Variants in MAPRE2 observed in about 807,000 individuals in gnomAD.
MAPRE2 encodes microtubule associated protein RP/EB family member 2.
Under a neutral mutation model 43.2 loss-of-function variants are expected in MAPRE2, and 13 were observed. That is an observed-to-expected ratio of 0.30 (90% CI 0.20 to 0.48). MAPRE2 has a LOEUF of 0.48. Among genes scored for constraint, MAPRE2 ranks in the 20% least tolerant of loss-of-function variants. MAPRE2 has a pLI of 0.99. For missense variants in MAPRE2, 161 were observed against 400.2 expected, an observed-to-expected ratio of 0.40 and a Z score of 5.10; for synonymous variants, 135 against 148.8, an observed-to-expected ratio of 0.91 and a Z score of 0.68.
intron 4 of MAPRE2, among the ~76,000 whole-genome samples, chr18:35,118,336 T>C (rs909540419): frequency 1.3e-5 from 2 of 152,126 alleles, no homozygotes; most frequent in African/African-American, 4.8e-5. Flanking sequence ...CTGACTCAGC[T>C]CTTGTTACTG....
At chr18:35,041,384 C>A (rs1905350573), upstream of MAPRE2, 3 of 1,483,320 alleles carry the variant, frequency 2.0e-6, no homozygotes, top group East Asian at 2.4e-5. Flanking sequence ...GGCGGGGCCG[C>A]AGGAGGGCGG....
At chr18:35,131,945 CT>C (rs1910169031) in intron 5 of MAPRE2, 86 bp from the exon 6 acceptor site, 1 of 1,281,250 alleles carries the variant, frequency 7.8e-7, no homozygotes, top group African/African-American at 1.5e-5. Context: ...CTCTCTCTCT[CT>C]TTTGGGTTTT....
At chr18:34,997,458 T>C (rs2097027070) in intron 1 of MAPRE2, among the ~76,000 whole-genome samples, 1 of 152,018 alleles carries the variant, frequency 6.6e-6, no homozygotes, top group South Asian at 2.1e-4. Flanking sequence ...GGAAAAAGCA[T>C]AAGGAGAGAA....
rs115695128 is a variant in MAPRE2 at position 34,978,566 on chromosome 18, C to G, written c.-70+1487C>G. The G allele has an allele frequency of 4.2e-3, 6,517 of 1,550,984 alleles. 252 individuals are homozygous for G. In the African/African-American group the frequency reaches 0.078, roughly 18 times the overall value. Reference sequence around the variant, plus strand: ...GGTAATCTGAAGAATGGCAACATTTCCCCTGCTTCTCCTGAACGCTAAATT... The same window carrying G: ...GGTAATCTGAAGAATGGCAACATTTGCCCTGCTTCTCCTGAACGCTAAATT... On this transcript the variant is annotated intron_variant, in intron 1 of 7. Coordinates refer to the MAPRE2 transcript ENST00000413393.
At chr18:35,038,915 C>A (rs569460493), upstream of MAPRE2, among the ~76,000 whole-genome samples, 3 of 152,294 alleles carry the variant, frequency 2.0e-5, no homozygotes, top group South Asian at 4.1e-4. Context: ...GCCCTTGGGG[C>A]CCTTCACCTG....
chr18:35,088,659 GGC>G (rs1336500116), intron 2 of MAPRE2, among the ~76,000 whole-genome samples: 2 of 152,100 alleles, frequency 1.3e-5, no homozygotes, highest in East Asian at 3.8e-4. Flanking sequence ...TCTGATTTGT[GGC>G]TGGGTAAGAC....
chr18:35,115,344 A>T (rs1241540013), intron 4 of MAPRE2, among the ~76,000 whole-genome samples: 1 of 152,208 alleles, frequency 6.6e-6, no homozygotes, highest in Non-Finnish European at 1.5e-5. Context: ...AGTACACTAC[A>T]CAGTAGCTCA....
intron 2 of MAPRE2, among the ~76,000 whole-genome samples, chr18:35,095,713 A>G (rs1030571568): frequency 3.9e-5 from 6 of 152,130 alleles, no homozygotes; most frequent in Non-Finnish European, 8.8e-5. Flanking sequence ...CCATCCATAT[A>G]AAAATAATGT....
At chr18:35,125,749 G>A (rs1909877576) in intron 4 of MAPRE2, among the ~76,000 whole-genome samples, 2 of 152,176 alleles carry the variant, frequency 1.3e-5, no homozygotes, top group South Asian at 2.1e-4. Context: ...TTGTGTCTGC[G>A]CGTTGTTCTA....
chr18:35,014,868 G>T (rs376226447), intron 2 of MAPRE2, among the ~76,000 whole-genome samples: 1 of 152,064 alleles, frequency 6.6e-6, no homozygotes, highest in African/African-American at 2.4e-5. Context: ...CCTTTACCAC[G>T]TTGTAAATCC....
intron 1 of MAPRE2, among the ~76,000 whole-genome samples, chr18:35,051,803 A>G (rs547731093): frequency 1.6e-4 from 25 of 152,300 alleles, no homozygotes; most frequent in Admixed American, 1.6e-3. Context: ...AGTAGCATCA[A>G]CTTCCCAGGG....
intron 2 of MAPRE2, among the ~76,000 whole-genome samples, chr18:35,081,336 A>G (rs1030344078): frequency 1.3e-5 from 2 of 152,210 alleles, no homozygotes; most frequent in African/African-American, 4.8e-5. Flanking sequence ...CTAGAAAGCA[A>G]AGTATATTTT....
At chr18:35,077,095 A>T (rs781390945) in intron 2 of MAPRE2, among the ~76,000 whole-genome samples, 1 of 152,244 alleles carries the variant, frequency 6.6e-6, no homozygotes, top group Non-Finnish European at 1.5e-5. Context: ...CTGAACAAAA[A>T]ATCAAGGAAC....
At chr18:35,092,238 G>A (rs948095690) in intron 2 of MAPRE2, among the ~76,000 whole-genome samples, 40 of 152,248 alleles carry the variant, frequency 2.6e-4, no homozygotes, top group Non-Finnish European at 4.7e-4. Context: ...GGGTGGGGAC[G>A]CAGATCCAAA....
upstream of MAPRE2, among the ~76,000 whole-genome samples, chr18:35,037,788 G>T (rs1445795499): frequency 6.6e-6 from 1 of 152,082 alleles, no homozygotes; most frequent in Non-Finnish European, 1.5e-5. Context: ...ACCATCTTTG[G>T]ATGGATGGCT....
chr18:35,091,354 G>A (rs1238062160), intron 2 of MAPRE2, among the ~76,000 whole-genome samples: 1 of 152,192 alleles, frequency 6.6e-6, no homozygotes, highest in Non-Finnish European at 1.5e-5. Flanking sequence ...CGATTTTCAT[G>A]TGTAGACTTG....
chr18:35,117,385 C>T (rs547958167), intron 4 of MAPRE2, among the ~76,000 whole-genome samples: 5 of 152,270 alleles, frequency 3.3e-5, no homozygotes, highest in South Asian at 2.1e-4. Context: ...GAAAAACAAC[C>T]GCAAACACTG....
At chr18:35,111,481 A>C (rs1302218570) in intron 4 of MAPRE2, among the ~76,000 whole-genome samples, 1 of 152,156 alleles carries the variant, frequency 6.6e-6, no homozygotes, top group African/African-American at 2.4e-5. Context: ...TATGTCAAAT[A>C]ATTTTGGGTT....
At chr18:35,137,547 C>A (rs879467578) in intron 6 of MAPRE2, among the ~76,000 whole-genome samples, 1 of 151,548 alleles carries the variant, frequency 6.6e-6, no homozygotes, top group African/African-American at 2.4e-5. Flanking sequence ...TTTCTGAAAT[C>A]TTCTTTTCAG....
Sources: allele counts gnomAD v4.1 joint callset (sites outside exome capture counted in the v4.1 genomes callset), GRCh38; gene constraint gnomAD v4.1.1; transcripts MANE v1.5; gene names NCBI Gene and HGNC (gene_info 2026-07-23, HGNC 2026-07-21).